VDAC1: variants seen among roughly 807,000 people sequenced by gnomAD.
VDAC1 encodes the protein non-selective voltage-gated ion channel VDAC1.
VDAC1 carries 10 observed loss-of-function variants against 34.7 expected under a neutral mutation model. The observed-to-expected ratio is 0.29, with a 90% CI of 0.18 to 0.49. The LOEUF is 0.49. Among genes scored for constraint, VDAC1 ranks in the 20% least tolerant of loss-of-function variants. The probability of loss-of-function intolerance (pLI) is 0.99; values close to 1 mark genes in which losing one functional copy is unlikely to be tolerated. For missense variants in VDAC1, 230 were observed against 347.9 expected, an observed-to-expected ratio of 0.66 and a Z score of 2.69; for synonymous variants, 130 against 136.0, an observed-to-expected ratio of 0.96 and a Z score of 0.30.
the VDAC1 span, among the ~76,000 whole-genome samples, chr5:134,017,465 G>C: frequency 6.6e-6 from 1 of 151,234 alleles, no homozygotes; most frequent in African/African-American, 2.4e-5. Flanking sequence ...TCAAAAAAAA[G>C]CATTTCATCA....
intron 8 of VDAC1, 61 bp downstream of exon 8, chr5:133,973,730 C>G: frequency 2.0e-6 from 3 of 1,523,936 alleles, no homozygotes; most frequent in Non-Finnish European, 2.7e-6. Context: ...CATAAATCAG[C>G]AAACCAGCAC....
chr5:134,084,452 C>T, the VDAC1 span, among the ~76,000 whole-genome samples: 558 of 152,356 alleles, frequency 3.7e-3, 3 homozygotes, highest in Middle Eastern at 0.014. Context: ...CTGGCCCGAA[C>T]TTTGGTCTAA....
chr5:134,009,609 T>G (rs1269952374), upstream of VDAC1, among the ~76,000 whole-genome samples: 1 of 152,136 alleles, frequency 6.6e-6, no homozygotes, highest in Middle Eastern at 3.2e-3. Flanking sequence ...TGTGTTTCTA[T>G]TTATGAGACT....
chr5:134,072,388 T>A, the VDAC1 span, among the ~76,000 whole-genome samples: 2 of 152,146 alleles, frequency 1.3e-5, no homozygotes, highest in African/African-American at 2.4e-5. Flanking sequence ...CTTCCATCCA[T>A]CTCACAGGAT....
the VDAC1 span, among the ~76,000 whole-genome samples, chr5:134,089,249 C>T: frequency 6.6e-6 from 1 of 152,362 alleles, no homozygotes; most frequent in South Asian, 2.1e-4. Context: ...CTCGCCCCAG[C>T]CTCAGCGCAG....
At chr5:133,977,717 C>A (rs1752532236) in intron 6 of VDAC1, among the ~76,000 whole-genome samples, 1 of 152,176 alleles carries the variant, frequency 6.6e-6, no homozygotes, top group Admixed American at 6.5e-5. Context: ...TGGTCAGAAG[C>A]AACCTTCTCC....
chr5:134,052,691 C>T, the VDAC1 span, among the ~76,000 whole-genome samples: 2 of 152,198 alleles, frequency 1.3e-5, no homozygotes, highest in African/African-American at 4.8e-5. Context: ...TTCTCCCTCC[C>T]CTATTCAGTC....
intron 1 of VDAC1, chr5:134,004,424 G>A (rs975954752): frequency 1.6e-4 from 25 of 152,024 alleles, no homozygotes; most frequent in African/African-American, 5.8e-4. Context: ...CCTCGGCCTC[G>A]CGCTCCCCAG....
the VDAC1 span, among the ~76,000 whole-genome samples, chr5:134,095,959 T>C: frequency 3.3e-5 from 5 of 152,130 alleles, no homozygotes; most frequent in Non-Finnish European, 7.4e-5. Context: ...CCCAGAGCCA[T>C]AGAGAAATTC....
chr5:134,113,303 G>A, the VDAC1 span, among the ~76,000 whole-genome samples: 1 of 152,248 alleles, frequency 6.6e-6, no homozygotes, highest in African/African-American at 2.4e-5. Context: ...ACCCTAGCCC[G>A]GAGGTGGCGG....
the VDAC1 span, among the ~76,000 whole-genome samples, chr5:134,070,203 GTGA>G: frequency 6.6e-6 from 1 of 152,126 alleles, no homozygotes; most frequent in Non-Finnish European, 1.5e-5. Context: ...GTGCAATGGC[GTGA>G]TCTCGGCTCA....
In VDAC1 at chr5:133,972,341, A is replaced by T. The variant is rs979555665; in HGVS notation, c.*430T>A. On this transcript the variant is annotated 3_prime_UTR_variant, in exon 9 of 9. Coordinates refer to ENST00000265333, the MANE Select transcript of VDAC1 (RefSeq NM_003374.3). The stretch of plus-strand genomic sequence containing the variant: ...GGGAACAGGTCATGAAGATCTGTCT[A>T]AAAAAGTCCCATTCAGGTGAGTTTG... The T allele has an allele frequency of 2.9e-6, 1 of 339,370 alleles. No individual in the cohort carries two copies. Among genetic ancestry groups the T allele is most frequent in the African/African-American group, 2.1e-5 (1 of 47,416 alleles). The allele number at this position is 339,370 out of a possible 1,614,324, so 21.0% of individuals were successfully genotyped here.
At chr5:134,029,672 T>C in the VDAC1 span, among the ~76,000 whole-genome samples, 3 of 152,212 alleles carry the variant, frequency 2.0e-5, no homozygotes, top group Non-Finnish European at 2.9e-5. Context: ...AAATAGCACA[T>C]GTGTAGGATT....
chr5:134,043,921 C>T, the VDAC1 span, among the ~76,000 whole-genome samples: 1 of 152,166 alleles, frequency 6.6e-6, no homozygotes, highest in African/African-American at 2.4e-5. Flanking sequence ...GACTTCCATT[C>T]TCTCACCTAA....
chr5:134,005,350 C>A (rs1006113424), upstream of VDAC1: 52 of 152,230 alleles, frequency 3.4e-4, no homozygotes, highest in Admixed American at 3.3e-3. Context: ...AGAGTAGAGG[C>A]GGCGACTGTT....
chr5:134,028,128 A>ATATTTATT, the VDAC1 span, among the ~76,000 whole-genome samples: 7 of 149,300 alleles, frequency 4.7e-5, no homozygotes, highest in African/African-American at 1.7e-4. Context: ...ATACATTTAT[A>ATATTTATT]TATTTATTTA....
At chr5:133,982,595 A>G (rs1752742449) in intron 5 of VDAC1, among the ~76,000 whole-genome samples, 1 of 152,164 alleles carries the variant, frequency 6.6e-6, no homozygotes. Context: ...CTGTTATTTT[A>G]AAAACAGCAA....
the VDAC1 span, among the ~76,000 whole-genome samples, chr5:134,020,345 A>G: frequency 6.6e-6 from 1 of 150,408 alleles, no homozygotes; most frequent in East Asian, 2.0e-4. Flanking sequence ...TCCCCCGCTC[A>G]CCCCTCCCCA....
At chr5:133,982,832 G>C (rs1364943928) in intron 5 of VDAC1, among the ~76,000 whole-genome samples, 1 of 149,966 alleles carries the variant, frequency 6.7e-6, no homozygotes, top group Non-Finnish European at 1.5e-5. Context: ...GGAGGTTGCA[G>C]TGAGCCAAGA....
Sources: gnomAD v4.1 joint callset for allele counts (sites outside exome capture counted in the v4.1 genomes callset) on GRCh38, gnomAD v4.1.1 for gene constraint, MANE v1.5 for transcripts, NCBI Gene and HGNC (gene_info 2026-07-23, HGNC 2026-07-21) for gene names.